PTPRR: variants seen among roughly 807,000 people sequenced by gnomAD.
PTPRR encodes protein tyrosine phosphatase receptor type R.
A neutral mutation model predicts 77.2 loss-of-function variants in PTPRR; 38 were observed. The ratio of observed to expected loss-of-function variants is 0.49; its 90% CI spans 0.38 to 0.65. The LOEUF is 0.65. Among genes scored for constraint, PTPRR ranks in the 30% least tolerant of loss-of-function variants. The pLI, the probability that PTPRR is intolerant of heterozygous loss-of-function variation, is 0.00. For missense variants in PTPRR, 744 were observed against 799.2 expected (o/e 0.93, Z 0.83); for synonymous variants, 299 against 283.1 (o/e 1.06, Z -0.57).
rs529547383 is a variant in PTPRR at position 70,884,871 on chromosome 12, C to CAAAAAAAAAAA, written c.357+7797_357+7807dup. Among the ~76,000 whole-genome samples the CAAAAAAAAAAA allele has an allele frequency of 9.6e-3, 516 of 53,938 alleles. 32 individuals are homozygous for CAAAAAAAAAAA. The highest frequency in any genetic ancestry group is 0.036 in the African/African-American group (392 of 10,740). The allele number at this position is 53,938 out of a possible 152,430, so 35.4% of individuals were successfully genotyped here. On this transcript the variant is annotated intron_variant, in intron 2 of 13. Coordinates refer to ENST00000283228, the MANE Select transcript of PTPRR (RefSeq NM_002849.4). Reference sequence around the variant, plus strand: ...TGGGCAACAGAGCAAAACTCTGTCTCAAAAAAAAAAAAAAAAAAAAAAAAA... The same window carrying CAAAAAAAAAAA: ...TGGGCAACAGAGCAAAACTCTGTCTCAAAAAAAAAAAAAAAAAAAAAAAAAAAAAAAAAAAA...
intron 6 of PTPRR, among the ~76,000 whole-genome samples, chr12:70,727,858 C>T (rs1270814247): frequency 5.3e-5 from 8 of 152,196 alleles, no homozygotes; most frequent in African/African-American, 1.9e-4. Context: ...AGCAGACTGT[C>T]TGAGTAAACA....
intron 2 of PTPRR, among the ~76,000 whole-genome samples, chr12:70,768,563 T>C (rs1428315863): frequency 6.6e-6 from 1 of 152,152 alleles, no homozygotes; most frequent in African/African-American, 2.4e-5. Flanking sequence ...GATTCATAGC[T>C]GAATTCTAAC....
chr12:70,682,530 CT>C (rs1156241587), intron 10 of PTPRR, among the ~76,000 whole-genome samples: 1 of 151,682 alleles, frequency 6.6e-6, no homozygotes, highest in African/African-American at 2.4e-5. Flanking sequence ...ATTTCCTTTA[CT>C]TTTTTTCAAA....
At chr12:70,677,743 C>T (rs2136713441) in intron 10 of PTPRR, among the ~76,000 whole-genome samples, 1 of 152,184 alleles carries the variant, frequency 6.6e-6, no homozygotes, top group Admixed American at 6.5e-5. Context: ...TTCTTGCATC[C>T]CTGGGATGAA....
At chr12:70,915,282 C>T (rs569537583) in intron 1 of PTPRR, among the ~76,000 whole-genome samples, 6 of 152,176 alleles carry the variant, frequency 3.9e-5, no homozygotes, top group South Asian at 4.2e-4. Context: ...AGGATGAGGA[C>T]GGAAGCTGAT....
At chr12:70,824,699 A>G (rs1427586898) in intron 2 of PTPRR, among the ~76,000 whole-genome samples, 2 of 152,120 alleles carry the variant, frequency 1.3e-5, no homozygotes, top group African/African-American at 4.8e-5. Context: ...TTATCCTTCC[A>G]GTGCTAGAGA....
At chr12:70,868,971 G>A (rs1892911911) in intron 2 of PTPRR, among the ~76,000 whole-genome samples, 2 of 146,184 alleles carry the variant, frequency 1.4e-5, no homozygotes, top group South Asian at 4.4e-4. Context: ...ACTCATAGGT[G>A]GGAATTGAGC....
chr12:70,639,582 C>G, intron 13 of PTPRR: 1 of 988,546 alleles, frequency 1.0e-6, no homozygotes, highest in Non-Finnish European at 1.2e-6. Flanking sequence ...TGGCATCAGC[C>G]AAGGTGAGTT....
intron 6 of PTPRR, among the ~76,000 whole-genome samples, chr12:70,722,794 C>T (rs1040539251): frequency 6.6e-6 from 1 of 152,214 alleles, no homozygotes. Flanking sequence ...CAGTTCATAT[C>T]TGGAATTTAC....
intron 2 of PTPRR, among the ~76,000 whole-genome samples, chr12:70,819,029 A>T (rs1436935640): frequency 2.6e-5 from 4 of 152,322 alleles, no homozygotes; most frequent in African/African-American, 9.6e-5. Flanking sequence ...AGGGTAAAAA[A>T]TAAAGAGAAG....
intron 6 of PTPRR, among the ~76,000 whole-genome samples, chr12:70,738,991 A>C (rs544645365): frequency 4.1e-4 from 62 of 152,374 alleles, no homozygotes; most frequent in South Asian, 1.0e-3. Flanking sequence ...AATTGATTAA[A>C]TTGATACTGT....
At chr12:70,642,802 C>A (rs1886054431) in intron 13 of PTPRR, among the ~76,000 whole-genome samples, 1 of 152,166 alleles carries the variant, frequency 6.6e-6, no homozygotes, top group African/African-American at 2.4e-5. Context: ...AGGAACTCAT[C>A]ATAATCATCT....
chr12:70,735,595 T>A (rs1889835190), intron 6 of PTPRR, among the ~76,000 whole-genome samples: 1 of 152,166 alleles, frequency 6.6e-6, no homozygotes, highest in Non-Finnish European at 1.5e-5. Context: ...CCAAACCATA[T>A]CAGAAGATTA....
At chr12:70,805,756 T>C (rs1011064983) in intron 2 of PTPRR, among the ~76,000 whole-genome samples, 1 of 152,184 alleles carries the variant, frequency 6.6e-6, no homozygotes, top group African/African-American at 2.4e-5. Flanking sequence ...TTATTCCCAT[T>C]CTAAGGATGA....
intron 2 of PTPRR, among the ~76,000 whole-genome samples, chr12:70,878,666 G>C (rs930655396): frequency 1.3e-5 from 2 of 152,184 alleles, no homozygotes; most frequent in African/African-American, 4.8e-5. Context: ...CTGTAAACTA[G>C]TTCAACCACT....
chr12:70,880,051 C>A (rs939074946), intron 2 of PTPRR, among the ~76,000 whole-genome samples: 2 of 152,092 alleles, frequency 1.3e-5, no homozygotes, highest in African/African-American at 2.4e-5. Flanking sequence ...AGTATAATCA[C>A]CAGCCAACCA....
chr12:70,656,736 T>G lies in PTPRR; in HGVS notation c.1848A>C (p.Ala616=), dbSNP rs776495951. ...QQLKEEGVVD[A]LSIVCQLRMD... is the part of the protein sequence containing the mutation. ...TACGAAGCTGGCAGACAATGCTTAG[T>G]GCATCCACAACTCCTTCTTCTTTCA... is the stretch of plus-strand genomic sequence containing the variant. The change falls in exon 13 of 14, where the codon GCA becomes GCC. Residue 616 remains alanine (A), a synonymous_variant. Transcript: ENST00000283228. 3.7e-6 allele frequency: 6 copies of G among 1,614,008 alleles called. No individual in the cohort carries two copies. In the East Asian group the frequency reaches 8.9e-5, roughly 24 times the overall value.
chr12:70,684,800 A>G lies in PTPRR; in HGVS notation c.1280-17T>C. The G allele has an allele frequency of 1.3e-6, 2 of 1,542,182 alleles. No homozygotes were observed. Among genetic ancestry groups the G allele is most frequent in the Non-Finnish European group, 1.8e-6 (2 of 1,130,028 alleles). ...TGAGGGGATCTAATGAAGAAAACAA[A>G]AAAGAATATATTAAACAGATTTACC... On this transcript the variant is annotated splice_polypyrimidine_tract_variant and intron_variant, in intron 8 of 13. Coordinates refer to ENST00000283228, the MANE Select transcript of PTPRR (RefSeq NM_002849.4).
chr12:70,662,515 T>C lies in PTPRR; in HGVS notation c.1588A>G (p.Ile530Val), dbSNP rs1307472498. 1.2e-6 allele frequency: 2 copies of C among 1,604,210 alleles called. No homozygotes were observed. Among genetic ancestry groups the C allele is most frequent in the Non-Finnish European group, 1.7e-6 (2 of 1,172,534 alleles). ...CTTACCTTTAAGACAAGGTTTCGAA[T>C]GGTGTAGTTATCACATTCATTTACA... ...ISVNECDNYT[I>V]RNLVLKQGSH... The change falls in exon 11 of 14, where the codon ATT becomes GTT. Residue 530 changes from isoleucine to valine, a missense_variant. Transcript: ENST00000283228.
Sources: allele counts gnomAD v4.1 joint callset (sites outside exome capture counted in the v4.1 genomes callset), GRCh38; gene constraint gnomAD v4.1.1; transcripts MANE v1.5; gene names NCBI Gene and HGNC (gene_info 2026-07-23, HGNC 2026-07-21).